The following ZFPM2 variants were observed in gnomAD, a reference collection of about 807,000 sequenced individuals.
ZFPM2 encodes the protein zinc finger protein ZFPM2.
In ZFPM2, 20 loss-of-function variants were observed where a neutral mutation model predicts 98.6. The observed-to-expected ratio is 0.20, with a 90% CI of 0.14 to 0.29. ZFPM2 has a LOEUF of 0.29. Among genes scored for constraint, ZFPM2 ranks in the 10% least tolerant of loss-of-function variants. The probability of loss-of-function intolerance (pLI) is 1.00; values close to 1 mark genes in which losing one functional copy is unlikely to be tolerated. For missense variants in ZFPM2, 1,310 were observed against 1,388.6 expected, an observed-to-expected ratio of 0.94 and a Z score of 0.90; for synonymous variants, 518 against 502.7, an observed-to-expected ratio of 1.03 and a Z score of -0.41.
chr8:105,328,039 T>C (rs1177294730), intron 1 of ZFPM2, among the ~76,000 whole-genome samples: 1 of 151,852 alleles, frequency 6.6e-6, no homozygotes, highest in African/African-American at 2.4e-5. Flanking sequence ...TTTGGAATGA[T>C]GTGTTTCTCA....
chr8:105,541,713 A>G (rs548770964), intron 3 of ZFPM2, among the ~76,000 whole-genome samples: 2 of 152,298 alleles, frequency 1.3e-5, no homozygotes, highest in Non-Finnish European at 2.9e-5. Flanking sequence ...GAAATGTATA[A>G]TCTTACAATA....
chr8:105,631,516 CT>C (rs1338664259), intron 4 of ZFPM2, among the ~76,000 whole-genome samples: 2 of 152,136 alleles, frequency 1.3e-5, no homozygotes, highest in African/African-American at 2.4e-5. Flanking sequence ...CACATTCTTC[CT>C]GTTTATCCTT....
chr8:105,334,118 CTGTGTGTGTG>C lies in ZFPM2; in HGVS notation c.40+15170_40+15179del, dbSNP rs71305145. 1.2e-4 allele frequency among the ~76,000 whole-genome samples: 15 copies of C among 120,402 alleles called. No homozygotes were observed. The East Asian group carries it at 1.8e-3, about 14-fold the overall frequency. 79.0% of individuals were successfully genotyped at this position (120,402 alleles called of 152,430 possible). On this transcript the variant is annotated intron_variant, in intron 1 of 7. Transcript: ENST00000407775. ...CACTGCCATTACTGCTAGTAATAAA[CTGTGTGTGTG>C]TGTGTGTGTGTGTGTGTGTGTGTGT...
At chr8:105,592,424 G>A (rs73307976) in intron 4 of ZFPM2, among the ~76,000 whole-genome samples, 4,125 of 152,126 alleles carry the variant, frequency 0.027, 167 homozygotes, top group African/African-American at 0.091. Context: ...TTTTGGTGCA[G>A]TTACATTTGA....
chr8:105,462,603 G>A (rs143242991), intron 3 of ZFPM2, among the ~76,000 whole-genome samples: 2 of 152,100 alleles, frequency 1.3e-5, no homozygotes, highest in Non-Finnish European at 2.9e-5. Context: ...CTCTACAATG[G>A]GAGTGCTATA....
At chr8:105,623,135 A>C (rs1019294444) in intron 4 of ZFPM2, among the ~76,000 whole-genome samples, 8 of 152,164 alleles carry the variant, frequency 5.3e-5, no homozygotes, top group Non-Finnish European at 1.2e-4. Flanking sequence ...ACACTTCCAC[A>C]CTTTTGCCAA....
intron 3 of ZFPM2, among the ~76,000 whole-genome samples, chr8:105,549,178 A>G (rs889179401): frequency 1.3e-5 from 2 of 151,842 alleles, no homozygotes; most frequent in African/African-American, 4.8e-5. Flanking sequence ...TGCCATCTCT[A>G]TACTCTATAT....
At position 105,705,150 on chromosome 8, in the gene ZFPM2, TGA is replaced by T. The variant is rs201870834; in HGVS notation, c.532+70794_532+70795del. On this transcript the variant is annotated intron_variant, in intron 5 of 7. Coordinates refer to ENST00000407775, the MANE Select transcript of ZFPM2 (RefSeq NM_012082.4). ...TTGCCTCTTTATGTGTTTTCTGAATTGATATATATATATATATGTATTCTGAT... is the reference window on the plus strand; with the variant it reads ...TTGCCTCTTTATGTGTTTTCTGAATTTATATATATATATATGTATTCTGAT... 4.3e-3 allele frequency among the ~76,000 whole-genome samples: 574 copies of T among 134,072 alleles called. 2 individuals are homozygous for T. Among genetic ancestry groups the T allele is most frequent in the African/African-American group, 0.015 (539 of 36,196 alleles). The allele number at this position is 134,072 out of a possible 152,430, so 88.0% of individuals were successfully genotyped here. A position where few individuals can be genotyped will look rare whatever the true frequency, so the allele number is the denominator to read the frequency against.
chr8:105,380,706 TATA>T (rs1563630998), intron 1 of ZFPM2, among the ~76,000 whole-genome samples: 133 of 25,258 alleles, frequency 5.3e-3, no homozygotes, highest in Non-Finnish European at 7.6e-3. Flanking sequence ...ACATATATAA[TATA>T]TATATATATT....
rs765031551 is a variant in ZFPM2 at position 105,480,752 on chromosome 8, A to ATT, written c.301+36386_301+36387dup. 4.2e-3 allele frequency among the ~76,000 whole-genome samples: 598 copies of ATT among 140,946 alleles called. 4 individuals are homozygous for ATT. Among genetic ancestry groups the ATT allele is most frequent in the African/African-American group, 0.014 (543 of 38,474 alleles). The allele number at this position is 140,946 out of a possible 152,430, so 92.5% of individuals were successfully genotyped here. On this transcript the variant is annotated intron_variant, in intron 3 of 7. Coordinates refer to ENST00000407775, the MANE Select transcript of ZFPM2 (RefSeq NM_012082.4). ...GGGAATGATGGCACTGTGGGATTAC[A>ATT]TTTTTTTTTTTTTTTTGAGACGGAC...
rs114339174 is a variant in ZFPM2 at position 105,554,036 on chromosome 8, G to A, written c.302-7327G>A. On this transcript the variant is annotated intron_variant, in intron 3 of 7. Transcript: ENST00000407775. ...CTAGAGTACTTGAATAGGGAACGTC[G>A]TATTTCAAGTTTATGTTCAAAACTG... Among the ~76,000 whole-genome samples, 482 of 152,208 alleles carry A rather than the reference G, an allele frequency of 3.2e-3. 1 individual carries two copies. The highest frequency in any genetic ancestry group is 0.011 in the African/African-American group (456 of 41,526).
intron 4 of ZFPM2, among the ~76,000 whole-genome samples, chr8:105,628,783 C>T (rs1486107666): frequency 5.9e-5 from 9 of 152,150 alleles, no homozygotes; most frequent in African/African-American, 1.9e-4. Flanking sequence ...CTGCATTTAC[C>T]ATCCTTCAAT....
intron 3 of ZFPM2, among the ~76,000 whole-genome samples, chr8:105,559,481 A>G (rs958316411): frequency 2.0e-5 from 3 of 152,182 alleles, no homozygotes; most frequent in African/African-American, 4.8e-5. Flanking sequence ...AAGAAAGAGT[A>G]TGAGAAGAAG....
At chr8:105,402,396 A>G (rs894088452) in intron 1 of ZFPM2, among the ~76,000 whole-genome samples, 1 of 151,884 alleles carries the variant, frequency 6.6e-6, no homozygotes, top group African/African-American at 2.4e-5. Context: ...TTCTTGTTTT[A>G]GTGTCTTTAA....
chr8:105,453,672 T>TG (rs1241941576), intron 3 of ZFPM2, among the ~76,000 whole-genome samples: 1 of 151,996 alleles, frequency 6.6e-6, no homozygotes, highest in African/African-American at 2.4e-5. Context: ...AATGGAGTCT[T>TG]GCCCTGTCAT....
intron 5 of ZFPM2, among the ~76,000 whole-genome samples, chr8:105,676,526 G>A (rs1390070906): frequency 2.0e-5 from 3 of 151,912 alleles, no homozygotes; most frequent in Non-Finnish European, 4.4e-5. Context: ...GTATTTGACT[G>A]TTTCAGCGTC....
chr8:105,607,340 A>G (rs1408310472), intron 4 of ZFPM2, among the ~76,000 whole-genome samples: 1 of 152,116 alleles, frequency 6.6e-6, no homozygotes, highest in Non-Finnish European at 1.5e-5. Context: ...AAAGTACATT[A>G]AAATGTAATA....
intron 3 of ZFPM2, among the ~76,000 whole-genome samples, chr8:105,459,122 A>T (rs1257333809): frequency 6.6e-6 from 1 of 152,016 alleles, no homozygotes; most frequent in Non-Finnish European, 1.5e-5. Context: ...CACTCAGGCT[A>T]TAGTGCAGTG....
chr8:105,531,404 T>C (rs994495126), intron 3 of ZFPM2, among the ~76,000 whole-genome samples: 1 of 152,180 alleles, frequency 6.6e-6, no homozygotes, highest in African/African-American at 2.4e-5. Flanking sequence ...CCTGTAGATG[T>C]GTCATTCCAA....
Sources: gnomAD v4.1 joint callset for allele counts (sites outside exome capture counted in the v4.1 genomes callset) on GRCh38, gnomAD v4.1.1 for gene constraint, MANE v1.5 for transcripts, NCBI Gene and HGNC (gene_info 2026-07-23, HGNC 2026-07-21) for gene names.